The following KCNU1 variants were observed in gnomAD, a reference collection of about 807,000 sequenced individuals.
The protein encoded by KCNU1 is potassium calcium-activated channel subfamily U member 1.
In KCNU1, 93 loss-of-function variants were observed where a neutral mutation model predicts 126.8. The ratio of observed to expected loss-of-function variants is 0.73; its 90% CI spans 0.62 to 0.87. The LOEUF (loss-of-function observed/expected upper bound fraction) is 0.87. KCNU1 is among the 40% of genes least tolerant of loss of function. The pLI is 0.00. For synonymous variants in KCNU1, 523 were observed against 494.2 expected (o/e 1.06, Z -0.77); for missense variants, 1,330 against 1,367.1 (o/e 0.97, Z 0.43).
intron 2 of KCNU1, among the ~76,000 whole-genome samples, chr8:36,791,041 T>C (rs1380368956): frequency 1.4e-5 from 2 of 148,112 alleles, no homozygotes; most frequent in Non-Finnish European, 1.5e-5. Flanking sequence ...AAAGAGGAAG[T>C]AGGAACGTGA....
At chr8:36,887,035 T>C (rs2117424978) in intron 19 of KCNU1, among the ~76,000 whole-genome samples, 1 of 152,318 alleles carries the variant, frequency 6.6e-6, no homozygotes. Flanking sequence ...GTTTTCTTTA[T>C]CCACTCATCA....
At chr8:36,795,572 T>C (rs1803067800) in intron 2 of KCNU1, 1 of 153,026 alleles carries the variant, frequency 6.5e-6, no homozygotes, top group South Asian at 2.1e-4. Flanking sequence ...GGCTGGACAC[T>C]TGCCCCTTCC....
At chr8:36,900,518 G>A (rs1224769936) in intron 19 of KCNU1, among the ~76,000 whole-genome samples, 1 of 152,054 alleles carries the variant, frequency 6.6e-6, no homozygotes, top group Non-Finnish European at 1.5e-5. Flanking sequence ...ATGTGAGTAG[G>A]ATCAGGTGGG....
In KCNU1 at chr8:36,784,562, C is replaced by G. The variant is rs779253525; in HGVS notation, c.152C>G (p.Ser51Cys). The change falls in exon 1 of 27, where the codon TCT (serine) becomes TGT (cysteine). Residue 51 changes from serine to cysteine, a missense_variant. By Grantham distance (112) the Ser-to-Cys change is moderately radical (BLOSUM62 -1). Coordinates refer to ENST00000399881, the MANE Select transcript of KCNU1 (RefSeq NM_001031836.3). Reference protein sequence around the residue: ...ILLIFRLIWRSVKKWQIIKGT... With the variant: ...ILLIFRLIWRCVKKWQIIKGT... ...TTGATCTTCAGGCTGATCTGGAGAT[C>G]TGTTAAAAAATGGCAAATCATCAAG... 6.2e-7 allele frequency: 1 copy of G among 1,613,478 alleles called. No individual in the cohort carries two copies. The highest frequency in any genetic ancestry group is 1.3e-5 in the African/African-American group (1 of 74,888).
chr8:36,800,384 T>G (rs1387603239), intron 2 of KCNU1, among the ~76,000 whole-genome samples: 1 of 152,178 alleles, frequency 6.6e-6, no homozygotes, highest in East Asian at 1.9e-4. Flanking sequence ...CTCATAAAGA[T>G]AAGCTTGGGG....
intron 19 of KCNU1, among the ~76,000 whole-genome samples, chr8:36,871,747 G>A (rs898505046): frequency 6.6e-6 from 1 of 152,170 alleles, no homozygotes; most frequent in African/African-American, 2.4e-5. Flanking sequence ...GTGCTAAGAT[G>A]AGGAAGTGGC....
rs1282565295 is a variant in KCNU1 at position 36,833,639 on chromosome 8, G to A, written c.1192G>A (p.Glu398Lys). The change falls in exon 11 of 27, where the codon GAG (glutamate) becomes AAG (lysine). Residue 398 changes from glutamate (E) to lysine (K), a missense_variant. Coordinates refer to ENST00000399881, the MANE Select transcript of KCNU1 (RefSeq NM_001031836.3). Reference protein sequence around the residue: ...TFISGSAMKWEDLRRVAVESA... With the variant: ...TFISGSAMKWKDLRRVAVESA... ...CATTTCTGGATCTGCAATGAAGTGGGAGGATCTGAGGCGAGTTGCGGTAAG... is the reference window on the plus strand; with the variant it reads ...CATTTCTGGATCTGCAATGAAGTGGAAGGATCTGAGGCGAGTTGCGGTAAG... 6.2e-7 allele frequency: 1 copy of A among 1,608,792 alleles called. No homozygotes were observed. The highest frequency in any genetic ancestry group is 8.5e-7 in the Non-Finnish European group (1 of 1,175,528).
Position 36,833,597 on chromosome 8 carries a change from T to C in KCNU1, c.1150T>C (p.Leu384=), listed in dbSNP as rs770965424. Residue 384 remains leucine (L), a synonymous_variant, in exon 11 of 27, where the codon TTG becomes CTG. Transcript: ENST00000399881. The part of the protein sequence containing the change: ...LELETIFKCY[L]AYTTFISGSA... ...ACTTGAAACCATATTTAAATGCTAC[T>C]TGGCCTACACAACGTTCATTTCTGG... 4.3e-6 allele frequency: 7 copies of C among 1,612,532 alleles called. No homozygotes were observed. The highest frequency in any genetic ancestry group is 5.1e-6 in the Non-Finnish European group (6 of 1,178,832).
intron 9 of KCNU1, among the ~76,000 whole-genome samples, chr8:36,817,236 G>A (rs935741866): frequency 2.0e-5 from 3 of 151,028 alleles, no homozygotes; most frequent in Non-Finnish European, 4.4e-5. Flanking sequence ...ACAGTGGCTC[G>A]TGCCTGTAAT....
At chr8:36,917,122 T>C (rs1020522632) in intron 22 of KCNU1, among the ~76,000 whole-genome samples, 1 of 152,152 alleles carries the variant, frequency 6.6e-6, no homozygotes, top group Non-Finnish European at 1.5e-5. Flanking sequence ...GCCCTACCAA[T>C]TACCCCACTC....
intron 2 of KCNU1, among the ~76,000 whole-genome samples, chr8:36,794,906 C>T (rs536403440): frequency 1.2e-3 from 183 of 152,026 alleles, no homozygotes; most frequent in African/African-American, 4.0e-3. Flanking sequence ...CCAGCCTGGG[C>T]AACAGAGCAA....
chr8:36,898,785 G>T (rs1178033583), intron 19 of KCNU1, among the ~76,000 whole-genome samples: 1 of 152,054 alleles, frequency 6.6e-6, no homozygotes, highest in Admixed American at 6.6e-5. Context: ...TTTAGAAAGT[G>T]TTGGAGAGTG....
At chr8:36,903,806 A>C in intron 19 of KCNU1, among the ~76,000 whole-genome samples, 1 of 152,146 alleles carries the variant, frequency 6.6e-6, no homozygotes, top group Non-Finnish European at 1.5e-5. Context: ...TCGTGGTGGA[A>C]GGGGAAGCAA....
At position 36,799,393 on chromosome 8, in the gene KCNU1, C is replaced by T. The variant is rs1803220892; in HGVS notation, c.316-4634C>T. Reference sequence around the variant, plus strand: ...TCTTGGTGGGCCTTTTCGATCTAGACTCAGGTTAGTTTTCAGTTCAGGGAA... The same window carrying T: ...TCTTGGTGGGCCTTTTCGATCTAGATTCAGGTTAGTTTTCAGTTCAGGGAA... On this transcript the variant is annotated intron_variant, in intron 2 of 26. Coordinates refer to ENST00000399881, the MANE Select transcript of KCNU1 (RefSeq NM_001031836.3). Among the ~76,000 whole-genome samples the T allele has an allele frequency of 2.6e-5, 4 of 151,258 alleles. No homozygotes were observed. In the South Asian group the frequency reaches 6.3e-4, roughly 24 times the overall value.
chr8:36,846,804 A>AC (rs1210660471), intron 18 of KCNU1, among the ~76,000 whole-genome samples: 1 of 151,904 alleles, frequency 6.6e-6, no homozygotes, highest in African/African-American at 2.4e-5. Flanking sequence ...AAAAAAAAAA[A>AC]AACTTAGCCT....
chr8:36,815,658 C>T lies in KCNU1; in HGVS notation c.966C>T (p.Thr322=). The T allele has an allele frequency of 6.3e-7, 1 of 1,590,688 alleles. No individual in the cohort carries two copies. The highest frequency in any genetic ancestry group is 1.4e-5 in the African/African-American group (1 of 73,936). The change falls in exon 9 of 27, where the codon ACC becomes ACT. Residue 322 remains threonine (T), a synonymous_variant. Transcript: ENST00000399881. Reference sequence around the variant, plus strand: ...TGTTTGCTAACAAGAGGAAATACACCAGTTCCTATGAAGCACTCAAAGGAA... The same window carrying T: ...TGTTTGCTAACAAGAGGAAATACACTAGTTCCTATGAAGCACTCAAAGGAA... The part of the protein sequence containing the change: ...VELFANKRKY[T]SSYEALKGKK...
chr8:36,868,987 C>G (rs1806006688), intron 19 of KCNU1, among the ~76,000 whole-genome samples: 1 of 152,104 alleles, frequency 6.6e-6, no homozygotes, highest in Non-Finnish European at 1.5e-5. Context: ...TGAGTTACGA[C>G]AGTTTTGCCC....
intron 19 of KCNU1, among the ~76,000 whole-genome samples, chr8:36,903,495 T>G (rs1486921541): frequency 6.6e-6 from 1 of 152,118 alleles, no homozygotes; most frequent in Non-Finnish European, 1.5e-5. Flanking sequence ...CAAAAGGCTG[T>G]AGGGGACAAT....
intron 10 of KCNU1, among the ~76,000 whole-genome samples, chr8:36,823,069 TC>T (rs1334449254): frequency 4.6e-5 from 7 of 152,162 alleles, no homozygotes; most frequent in Admixed American, 4.6e-4. Flanking sequence ...GTGAGTGTTG[TC>T]ATAACAGAGG....
Sources: gnomAD v4.1 joint callset for allele counts (sites outside exome capture counted in the v4.1 genomes callset) on GRCh38, gnomAD v4.1.1 for gene constraint, MANE v1.5 for transcripts, NCBI Gene and HGNC (gene_info 2026-07-23, HGNC 2026-07-21) for gene names.